BRD10: variants seen among roughly 807,000 people sequenced by gnomAD.
BRD10 encodes the protein uncharacterized bromodomain-containing protein 10.
At chr9:5,943,564 T>G in the BRD10 span, among the ~76,000 whole-genome samples, 1 of 149,002 alleles carries the variant, frequency 6.7e-6, no homozygotes, top group Non-Finnish European at 1.5e-5. Flanking sequence ...AAAAAAACCC[T>G]CTGGCTACAG....
the BRD10 span, among the ~76,000 whole-genome samples, chr9:5,888,894 A>T: frequency 6.6e-4 from 100 of 152,366 alleles, no homozygotes; most frequent in African/African-American, 2.3e-3. Context: ...AACAACAAGG[A>T]AGAATTTCTC....
chr9:5,881,815 G>C, the BRD10 span: 3 of 152,110 alleles, frequency 2.0e-5, no homozygotes, highest in Non-Finnish European at 4.4e-5. Flanking sequence ...TTCTCTGATG[G>C]TGCTACTTCC....
At chr9:5,985,304 G>C in the BRD10 span, among the ~76,000 whole-genome samples, 1 of 151,980 alleles carries the variant, frequency 6.6e-6, no homozygotes, top group Non-Finnish European at 1.5e-5. Context: ...AAAAATTCTA[G>C]AACAAAAATT....
the BRD10 span, among the ~76,000 whole-genome samples, chr9:5,917,586 C>A: frequency 8.7e-3 from 1,322 of 152,364 alleles, 21 homozygotes; most frequent in African/African-American, 0.031. Context: ...ATAATCCCAG[C>A]ACTTTGGGAG....
At chr9:5,893,808 T>TCACCTCCACATCTTGCCAA in the BRD10 span, among the ~76,000 whole-genome samples, 1 of 152,142 alleles carries the variant, frequency 6.6e-6, no homozygotes, top group African/African-American at 2.4e-5. Flanking sequence ...TGTTGTGCCA[T>TCACCTCCACATCTTGCCAA]CACCTCCACA....
the BRD10 span, chr9:5,922,308 A>C: frequency 1.9e-6 from 3 of 1,613,796 alleles, no homozygotes; most frequent in African/African-American, 4.0e-5. Flanking sequence ...CCTGTGGAGG[A>C]AATGGTCGGT....
At chr9:5,984,005 A>ACACACACC in the BRD10 span, among the ~76,000 whole-genome samples, 10 of 145,086 alleles carry the variant, frequency 6.9e-5, no homozygotes, top group Admixed American at 4.2e-4. Context: ...ACACACACAC[A>ACACACACC]CCCCTCTCCA....
chr9:5,925,713 C>G, the BRD10 span, among the ~76,000 whole-genome samples: 1 of 152,026 alleles, frequency 6.6e-6, no homozygotes, highest in South Asian at 2.1e-4. Context: ...CCTAGGAAAA[C>G]AAAGCTGAAA....
the BRD10 span, among the ~76,000 whole-genome samples, chr9:5,964,903 T>A: frequency 1.6e-5 from 1 of 64,104 alleles, no homozygotes; most frequent in African/African-American, 6.6e-5. Flanking sequence ...CTGGGGACTG[T>A]GGTGGGGTGG....
chr9:5,908,818 G>C, the BRD10 span: 1 of 1,018,780 alleles, frequency 9.8e-7, no homozygotes, highest in African/African-American at 1.6e-5. Flanking sequence ...AAAAATGCAA[G>C]CCATCTCTAA....
chr9:5,967,888 T>C, the BRD10 span: 1 of 606,110 alleles, frequency 1.6e-6, no homozygotes, highest in Non-Finnish European at 2.8e-6. Flanking sequence ...AAAATAAAAT[T>C]TGACCCTCAA....
the BRD10 span, chr9:5,969,232 C>T: frequency 6.2e-7 from 1 of 1,613,716 alleles, no homozygotes; most frequent in African/African-American, 1.3e-5. Context: ...ACTGAGGCAT[C>T]AGAAGACAAC....
chr9:5,988,762 A>T, the BRD10 span, among the ~76,000 whole-genome samples: 4 of 152,338 alleles, frequency 2.6e-5, no homozygotes, highest in African/African-American at 9.6e-5. Context: ...ATTAAAAAAA[A>T]AAATCTGAGA....
At chr9:5,987,007 A>G in the BRD10 span, among the ~76,000 whole-genome samples, 1 of 152,202 alleles carries the variant, frequency 6.6e-6, no homozygotes, top group African/African-American at 2.4e-5. Flanking sequence ...CACTAGCTCT[A>G]GAGCCAGGCT....
chr9:5,967,260 T>C, the BRD10 span, among the ~76,000 whole-genome samples: 1 of 152,164 alleles, frequency 6.6e-6, no homozygotes, highest in Non-Finnish European at 1.5e-5. Flanking sequence ...TTTATCTCAC[T>C]TATGTGCTTG....
chr9:5,952,773 TA>T, the BRD10 span, among the ~76,000 whole-genome samples: 1 of 152,172 alleles, frequency 6.6e-6, no homozygotes, highest in Non-Finnish European at 1.5e-5. Flanking sequence ...GGAGAAATAG[TA>T]AACACAGGTG....
the BRD10 span, among the ~76,000 whole-genome samples, chr9:5,993,223 G>T: frequency 1.3e-5 from 2 of 150,592 alleles, no homozygotes; most frequent in African/African-American, 4.9e-5. Context: ...GCTGAGGCAG[G>T]AGACTCACTG....
At chr9:5,920,868 T>C in the BRD10 span, 20 of 1,613,908 alleles carry the variant, frequency 1.2e-5, no homozygotes, top group Admixed American at 1.7e-4. Context: ...ACAGTTGATA[T>C]AGCCACAGTG....
At chr9:5,931,978 G>A in the BRD10 span, among the ~76,000 whole-genome samples, 1 of 152,024 alleles carries the variant, frequency 6.6e-6, no homozygotes, top group Non-Finnish European at 1.5e-5. Flanking sequence ...CATCTGCTTT[G>A]GTCAAAACAT....
Sources: allele counts gnomAD v4.1 joint callset (sites outside exome capture counted in the v4.1 genomes callset), GRCh38; gene constraint gnomAD v4.1.1; transcripts MANE v1.5; gene names NCBI Gene and HGNC (gene_info 2026-07-23, HGNC 2026-07-21).